Variants in ZCCHC17 observed in about 807,000 individuals in gnomAD.
The protein encoded by ZCCHC17 is zinc finger CCHC-type containing 17, also known as zinc finger CCHC domain-containing protein 17.
Under a neutral mutation model 30.6 loss-of-function variants are expected in ZCCHC17, and 18 were observed. That is an observed-to-expected ratio of 0.59 (90% CI 0.41 to 0.87). The LOEUF (loss-of-function observed/expected upper bound fraction) is 0.87. Ranked by LOEUF, ZCCHC17 falls within the 40% of genes least tolerant of loss-of-function variation. The pLI is 0.00. For missense variants in ZCCHC17, 263 were observed against 284.2 expected (o/e 0.93, Z 0.54); for synonymous variants, 88 against 92.4 (o/e 0.95, Z 0.27).
chr1:31,334,196 T>C (rs1264245198), intron 3 of ZCCHC17, among the ~76,000 whole-genome samples: 1 of 152,148 alleles, frequency 6.6e-6, no homozygotes, highest in African/African-American at 2.4e-5. Context: ...TATGTAGGTA[T>C]GTGGGATGTA....
intron 1 of ZCCHC17, among the ~76,000 whole-genome samples, chr1:31,299,500 A>G (rs1646254670): frequency 6.6e-6 from 1 of 152,190 alleles, no homozygotes; most frequent in South Asian, 2.1e-4. Context: ...CCTTGCACCT[A>G]AGGTGAAAAT....
chr1:31,349,950 C>T (rs765019649), intron 7 of ZCCHC17, among the ~76,000 whole-genome samples: 1 of 152,184 alleles, frequency 6.6e-6, no homozygotes, highest in Non-Finnish European at 1.5e-5. Flanking sequence ...GGCTTTAACG[C>T]TCTTGATACA....
At chr1:31,298,690 C>T (rs1646233448) in intron 1 of ZCCHC17, among the ~76,000 whole-genome samples, 1 of 152,142 alleles carries the variant, frequency 6.6e-6, no homozygotes, top group Non-Finnish European at 1.5e-5. Context: ...CAGCTGAGAT[C>T]AGTTTTTATT....
In ZCCHC17 at chr1:31,345,461, G is replaced by A. The variant is rs36151148; in HGVS notation, c.318-1179G>A. Among the ~76,000 whole-genome samples the A allele has an allele frequency of 8.0e-3, 1,050 of 131,966 alleles. 12 individuals are homozygous for A. The highest frequency in any genetic ancestry group is 0.027 in the African/African-American group (978 of 35,720). The allele number at this position is 131,966 out of a possible 152,430, so 86.6% of individuals were successfully genotyped here. On this transcript the variant is annotated intron_variant, in intron 5 of 7. Transcript: ENST00000344147. ...ATAAGCCACCACACCCAGCCTTAAT[G>A]TTCTGTTTTTTGATCTGAGTACTGG... is the stretch of plus-strand genomic sequence containing the variant.
At chr1:31,334,030 T>C (rs1638699381) in intron 3 of ZCCHC17, among the ~76,000 whole-genome samples, 1 of 152,212 alleles carries the variant, frequency 6.6e-6, no homozygotes, top group Admixed American at 6.5e-5. Flanking sequence ...GTTGGCTCAT[T>C]ACATCATAGG....
At chr1:31,351,442 ATT>A (rs775389922) in intron 7 of ZCCHC17, among the ~76,000 whole-genome samples, 1 of 142,404 alleles carries the variant, frequency 7.0e-6, no homozygotes. Flanking sequence ...AGGTCTGGGC[ATT>A]TTTTTTTTTT....
At chr1:31,301,711 C>G (rs997358839) in intron 1 of ZCCHC17, among the ~76,000 whole-genome samples, 2 of 152,130 alleles carry the variant, frequency 1.3e-5, no homozygotes, top group African/African-American at 4.8e-5. Context: ...TTTCAGTGGC[C>G]TAAGAGTAAT....
intron 2 of ZCCHC17, among the ~76,000 whole-genome samples, chr1:31,317,502 C>T (rs947184122): frequency 1.1e-4 from 17 of 152,282 alleles, no homozygotes; most frequent in South Asian, 6.2e-4. Flanking sequence ...AAAGTGAGAA[C>T]AAATGGGAAC....
chr1:31,305,750 G>A (rs1646438373), intron 1 of ZCCHC17, among the ~76,000 whole-genome samples: 1 of 152,090 alleles, frequency 6.6e-6, no homozygotes, highest in South Asian at 2.1e-4. Flanking sequence ...CCTGGAAGTT[G>A]ACTTTTTAAA....
At chr1:31,336,946 T>TTCTG (rs1301719287) in intron 3 of ZCCHC17, among the ~76,000 whole-genome samples, 5 of 152,116 alleles carry the variant, frequency 3.3e-5, no homozygotes, top group African/African-American at 7.2e-5. Flanking sequence ...AGTTCTGGGA[T>TTCTG]TACAGGCATG....
At chr1:31,332,261 C>T (rs770202990) in intron 3 of ZCCHC17, among the ~76,000 whole-genome samples, 19 of 152,250 alleles carry the variant, frequency 1.2e-4, no homozygotes, top group Non-Finnish European at 2.5e-4. Flanking sequence ...ACAGTTCATA[C>T]CCTTCCCCTG....
At chr1:31,306,826 C>T (rs777483248) in intron 1 of ZCCHC17, among the ~76,000 whole-genome samples, 16 of 152,016 alleles carry the variant, frequency 1.1e-4, no homozygotes, top group South Asian at 2.1e-4. Flanking sequence ...TGTCACCACA[C>T]CTGGCTGATT....
intron 1 of ZCCHC17, among the ~76,000 whole-genome samples, chr1:31,299,497 C>T (rs1427079775): frequency 1.3e-5 from 2 of 152,076 alleles, no homozygotes; most frequent in Non-Finnish European, 2.9e-5. Context: ...CTCCCTTGCA[C>T]CTAAGGTGAA....
chr1:31,334,303 ATCTCTC>A (rs373770669), intron 3 of ZCCHC17, among the ~76,000 whole-genome samples: 2 of 51,552 alleles, frequency 3.9e-5, no homozygotes, highest in Non-Finnish European at 9.5e-5. Flanking sequence ...ATCCATGTGC[ATCTCTC>A]TCTCTCTCTC....
At position 31,298,783 on chromosome 1, in the gene ZCCHC17, T is replaced by A. The variant is rs112114579; in HGVS notation, c.-56+1708T>A. Among the ~76,000 whole-genome samples the A allele has an allele frequency of 5.6e-3, 860 of 152,316 alleles. 8 individuals carry two copies. The highest frequency in any genetic ancestry group is 0.02 in the African/African-American group (819 of 41,550). ...CAGCTTTGTGCTCAGAAGAGAGATT[T>A]GTGTTGGGAATATAAAATTGGGCAT... On this transcript the variant is annotated intron_variant, in intron 1 of 7. Coordinates refer to ENST00000344147, the MANE Select transcript of ZCCHC17 (RefSeq NM_016505.4).
Position 31,337,878 on chromosome 1 carries a change from C to G in ZCCHC17, c.225+603C>G, listed in dbSNP as rs569107707. ...ACTATTATTCAACAATATTTAAGTG[C>G]TTAATATGTGCTAGGTTTGGGAGAT... is the stretch of plus-strand genomic sequence containing the variant. On this transcript the variant is annotated intron_variant, in intron 4 of 7. Transcript: ENST00000344147. 4.6e-5 allele frequency among the ~76,000 whole-genome samples: 7 copies of G among 152,244 alleles called. No homozygotes were observed. In the South Asian group the frequency reaches 1.5e-3, roughly 32 times the overall value.
At chr1:31,338,828 G>A in intron 4 of ZCCHC17, 129 bp from the exon 5 acceptor site, 1 of 591,970 alleles carries the variant, frequency 1.7e-6, no homozygotes, top group Admixed American at 3.4e-5. Context: ...TATCTGCAAT[G>A]TTCCTAGCAC....
At chr1:31,309,429 C>T (rs1646544193) in intron 1 of ZCCHC17, among the ~76,000 whole-genome samples, 1 of 152,130 alleles carries the variant, frequency 6.6e-6, no homozygotes, top group Non-Finnish European at 1.5e-5. Flanking sequence ...ATTCTCCTCC[C>T]TCAGCCTCCC....
Position 31,297,061 on chromosome 1 carries a change from T to G in ZCCHC17, c.-70T>G. Reference sequence around the variant, plus strand: ...AGTTCAGCGCAGCGACTCGGGGACCTGGAGCTGACGCCTAGTACGTATGAG... The same window carrying G: ...AGTTCAGCGCAGCGACTCGGGGACCGGGAGCTGACGCCTAGTACGTATGAG... On this transcript the variant is annotated 5_prime_UTR_variant, in exon 1 of 8. Coordinates refer to ENST00000344147, the MANE Select transcript of ZCCHC17 (RefSeq NM_016505.4). 2.3e-6 allele frequency: 1 copy of G among 442,970 alleles called. No individual in the cohort carries two copies. The highest frequency in any genetic ancestry group is 5.2e-5 in the South Asian group (1 of 19,082). 27.4% of individuals were successfully genotyped at this position (442,970 alleles called of 1,614,324 possible). A position where few individuals can be genotyped will look rare whatever the true frequency, so the allele number is the denominator to read the frequency against.
Sources: allele counts gnomAD v4.1 joint callset (sites outside exome capture counted in the v4.1 genomes callset), GRCh38; gene constraint gnomAD v4.1.1; transcripts MANE v1.5; gene names NCBI Gene and HGNC (gene_info 2026-07-23, HGNC 2026-07-21).